The following TSPEAR variants were observed in gnomAD, a reference collection of about 807,000 sequenced individuals.
The protein encoded by TSPEAR is thrombospondin-type laminin G domain and EAR repeat-containing protein.
Under a neutral mutation model 71.6 loss-of-function variants are expected in TSPEAR, and 69 were observed. That is an observed-to-expected ratio of 0.96 (90% CI 0.79 to 1.18). The LOEUF is 1.18. Among genes scored for constraint, TSPEAR ranks in the 50% most tolerant of loss-of-function variants. The pLI is 0.00. For missense variants in TSPEAR, 971 were observed against 894.9 expected, an observed-to-expected ratio of 1.09 and a Z score of -1.09; for synonymous variants, 402 against 387.2, an observed-to-expected ratio of 1.04 and a Z score of -0.45.
At chr21:44,573,793 G>T (rs1978295970) in intron 1 of TSPEAR, 2 of 1,614,012 alleles carry the variant, frequency 1.2e-6, no homozygotes, top group Admixed American at 1.7e-5. Context: ...AGCTACAGCA[G>T]CCGCGTCTGC....
At chr21:44,607,141 G>A (rs947456898) in intron 1 of TSPEAR, among the ~76,000 whole-genome samples, 8 of 152,120 alleles carry the variant, frequency 5.3e-5, no homozygotes, top group Non-Finnish European at 1.2e-4. Context: ...GGAGTGCAGT[G>A]GCACAATAGC....
At chr21:44,578,318 C>A (rs1978602105) in intron 1 of TSPEAR, among the ~76,000 whole-genome samples, 1 of 152,186 alleles carries the variant, frequency 6.6e-6, no homozygotes, top group African/African-American at 2.4e-5. Context: ...GGAAATGCAT[C>A]ATTTATGAAA....
intron 1 of TSPEAR, among the ~76,000 whole-genome samples, chr21:44,640,154 T>C (rs1424684518): frequency 6.6e-6 from 1 of 152,118 alleles, no homozygotes; most frequent in Non-Finnish European, 1.5e-5. Flanking sequence ...AGAGGATGAA[T>C]GGACAAGCAA....
intron 10 of TSPEAR, among the ~76,000 whole-genome samples, chr21:44,505,986 C>T (rs959628843): frequency 2.0e-5 from 3 of 152,152 alleles, no homozygotes; most frequent in Non-Finnish European, 4.4e-5. Flanking sequence ...GCAGAAATGG[C>T]GTCACAGTGC....
intron 1 of TSPEAR, among the ~76,000 whole-genome samples, chr21:44,710,000 GTAT>G (rs1394242784): frequency 6.6e-6 from 1 of 152,150 alleles, no homozygotes; most frequent in African/African-American, 2.4e-5. Context: ...TAAATAACCT[GTAT>G]TATTATTATG....
intron 1 of TSPEAR, among the ~76,000 whole-genome samples, chr21:44,662,628 A>T (rs1256644782): frequency 4.0e-4 from 61 of 152,230 alleles, no homozygotes; most frequent in Non-Finnish European, 1.0e-4. Context: ...GACCTAATGG[A>T]TATTGACAGA....
intron 1 of TSPEAR, among the ~76,000 whole-genome samples, chr21:44,696,761 G>C (rs1569264892): frequency 6.6e-6 from 1 of 152,182 alleles, no homozygotes; most frequent in Admixed American, 6.5e-5. Flanking sequence ...ACCTTCTGTG[G>C]TCCACGCAGA....
At chr21:44,511,409 C>T (rs1305788632) in intron 9 of TSPEAR, among the ~76,000 whole-genome samples, 9 of 152,240 alleles carry the variant, frequency 5.9e-5, no homozygotes, top group African/African-American at 1.2e-4. Context: ...GATGCACATG[C>T]ATGCCTGTAC....
At chr21:44,698,931 T>G (rs2146325309) in intron 1 of TSPEAR, among the ~76,000 whole-genome samples, 1 of 152,312 alleles carries the variant, frequency 6.6e-6, no homozygotes, top group East Asian at 1.9e-4. Context: ...GCCAGGCGTG[T>G]GGCTCAGGCC....
chr21:44,577,177 G>T (rs1231228981), intron 1 of TSPEAR, among the ~76,000 whole-genome samples: 1 of 152,180 alleles, frequency 6.6e-6, no homozygotes, highest in Non-Finnish European at 1.5e-5. Flanking sequence ...TGTTTTATTA[G>T]AGAAGAAGGC....
intron 1 of TSPEAR, among the ~76,000 whole-genome samples, chr21:44,688,511 G>A (rs1555949239): frequency 6.6e-6 from 1 of 152,178 alleles, no homozygotes; most frequent in Admixed American, 6.5e-5. Context: ...ATGAGGTCAG[G>A]AGATGGAGAC....
intron 2 of TSPEAR, among the ~76,000 whole-genome samples, chr21:44,538,619 T>A (rs140250720): frequency 0.02 from 3,016 of 151,978 alleles, 101 homozygotes; most frequent in African/African-American, 0.069. Context: ...ACAGGGAGGG[T>A]GACCAGGCCT....
chr21:44,691,137 C>A (rs1987106893), intron 1 of TSPEAR, among the ~76,000 whole-genome samples: 1 of 151,864 alleles, frequency 6.6e-6, no homozygotes, highest in East Asian at 1.9e-4. Context: ...CCCAGCTCAC[C>A]CCCTTACCTA....
At chr21:44,706,392 C>T (rs1270351812) in intron 1 of TSPEAR, among the ~76,000 whole-genome samples, 1 of 151,744 alleles carries the variant, frequency 6.6e-6, no homozygotes, top group Non-Finnish European at 1.5e-5. Flanking sequence ...CGCGCGTGCA[C>T]CCATGCGCAC....
chr21:44,636,204 T>C (rs1419681375), intron 1 of TSPEAR, among the ~76,000 whole-genome samples: 2 of 152,226 alleles, frequency 1.3e-5, no homozygotes, highest in African/African-American at 4.8e-5. Context: ...AGCTGAGGCA[T>C]GTGGACCGGT....
chr21:44,510,501 C>T (rs587637106), intron 9 of TSPEAR, among the ~76,000 whole-genome samples: 1 of 152,360 alleles, frequency 6.6e-6, no homozygotes, highest in African/African-American at 2.4e-5. Flanking sequence ...TGCGACCTGC[C>T]CTCCGCAGCA....
At chr21:44,678,604 T>C (rs1419728946) in intron 1 of TSPEAR, among the ~76,000 whole-genome samples, 2 of 152,146 alleles carry the variant, frequency 1.3e-5, no homozygotes, top group Non-Finnish European at 2.9e-5. Flanking sequence ...CTATTCAACA[T>C]AGTACTGGAA....
chr21:44,624,710 C>T (rs1390749558), intron 1 of TSPEAR, among the ~76,000 whole-genome samples: 4 of 152,216 alleles, frequency 2.6e-5, no homozygotes, highest in African/African-American at 9.7e-5. Flanking sequence ...ATCCCTCCTC[C>T]TTGTCAGGTC....
chr21:44,502,786 G>T (rs1291715484), intron 11 of TSPEAR, among the ~76,000 whole-genome samples: 1 of 152,280 alleles, frequency 6.6e-6, no homozygotes, highest in East Asian at 1.9e-4. Flanking sequence ...GGTGGCACCT[G>T]CGAGAGAAGG....
Sources: gnomAD v4.1 joint callset for allele counts (sites outside exome capture counted in the v4.1 genomes callset) on GRCh38, gnomAD v4.1.1 for gene constraint, MANE v1.5 for transcripts, NCBI Gene and HGNC (gene_info 2026-07-23, HGNC 2026-07-21) for gene names.